The following N4BP2L2 variants were observed in gnomAD, a reference collection of about 807,000 sequenced individuals.
The protein encoded by N4BP2L2 is NEDD4 binding protein 2 like 2.
In N4BP2L2, 50 loss-of-function variants were observed where a neutral mutation model predicts 56.2. That is an observed-to-expected ratio of 0.89 (90% CI 0.71 to 1.13). The LOEUF (loss-of-function observed/expected upper bound fraction) is 1.13, where lower values mean the gene tolerates loss of function less well. N4BP2L2 is among the 50% of genes most tolerant of loss of function. The pLI is 0.00. For missense variants in N4BP2L2, 689 were observed against 693.8 expected (o/e 0.99, Z 0.08); for synonymous variants, 203 against 223.6 (o/e 0.91, Z 0.82).
intron 6 of N4BP2L2, among the ~76,000 whole-genome samples, chr13:32,471,255 T>C (rs2082239538): frequency 6.6e-6 from 1 of 152,222 alleles, no homozygotes; most frequent in Admixed American, 6.5e-5. Flanking sequence ...TGTGTGTTTA[T>C]TGGGCCTCTG....
At chr13:32,482,988 T>C (rs905464172) in intron 6 of N4BP2L2, among the ~76,000 whole-genome samples, 2 of 152,254 alleles carry the variant, frequency 1.3e-5, no homozygotes, top group African/African-American at 4.8e-5. Flanking sequence ...GTGCTCTAAA[T>C]TCAATTACTT....
intron 6 of N4BP2L2, among the ~76,000 whole-genome samples, chr13:32,450,766 G>A (rs1006711665): frequency 4.6e-5 from 7 of 152,012 alleles, no homozygotes; most frequent in African/African-American, 1.5e-4. Context: ...GAGTAGCTGG[G>A]ACTACAGCAG....
chr13:32,516,869 G>C, exon 6 of N4BP2L2: 1 of 983,296 alleles, frequency 1.0e-6, no homozygotes, highest in Non-Finnish European at 1.2e-6. Flanking sequence ...TGAAGGCAGG[G>C]GATGAATGAC....
rs1392343089 is a variant in N4BP2L2, at chr13:32,464,518, T to C, written c.366-20392A>G. On this transcript the variant is annotated intron_variant, in intron 6 of 9. Transcript: ENST00000357505. ...AGAAGCCTCAACAGCACAATAATCA[T>C]GGGTTCTGGGTAACCTCATTTTCTA... is the stretch of plus-strand genomic sequence containing the variant. Among the ~76,000 whole-genome samples the C allele has an allele frequency of 2.0e-5, 3 of 152,354 alleles. No individual in the cohort carries two copies. In the East Asian group the frequency reaches 5.8e-4, roughly 29 times the overall value.
At chr13:32,492,384 G>A (rs1239648371) in intron 6 of N4BP2L2, among the ~76,000 whole-genome samples, 1 of 141,956 alleles carries the variant, frequency 7.0e-6, no homozygotes, top group Non-Finnish European at 1.5e-5. Context: ...CCGGATTCAC[G>A]CCATTCCCCT....
At chr13:32,443,615 C>T in exon 7 of N4BP2L2, 1 of 1,612,002 alleles carries the variant, frequency 6.2e-7, no homozygotes, top group African/African-American at 1.3e-5. Flanking sequence ...TCCTGGGTGT[C>T]TAATGCTATG....
chr13:32,533,447 C>T (rs899025822), intron 2 of N4BP2L2, among the ~76,000 whole-genome samples: 4 of 151,876 alleles, frequency 2.6e-5, no homozygotes, highest in African/African-American at 9.7e-5. Flanking sequence ...TGAACACTAC[C>T]TCCAAAGAAT....
At chr13:32,527,792 T>A (rs1420534700) in intron 2 of N4BP2L2, among the ~76,000 whole-genome samples, 2 of 151,942 alleles carry the variant, frequency 1.3e-5, no homozygotes, top group Non-Finnish European at 2.9e-5. Flanking sequence ...TTTTTTTTTT[T>A]TTTTAGATGG....
chr13:32,436,864 C>T (rs2761364), intron 8 of N4BP2L2, among the ~76,000 whole-genome samples: 85,479 of 132,440 alleles, frequency 0.65, 27,792 homozygotes, highest in East Asian at 0.86. Flanking sequence ...TAATATCTAT[C>T]TATTTATTTA....
intron 2 of N4BP2L2, among the ~76,000 whole-genome samples, chr13:32,531,799 T>C (rs1302582769): frequency 2.0e-5 from 3 of 152,244 alleles, no homozygotes; most frequent in African/African-American, 7.2e-5. Context: ...CTTACAGTTC[T>C]GAAGGTCAGT....
At chr13:32,465,295 G>T (rs573187145) in intron 6 of N4BP2L2, among the ~76,000 whole-genome samples, 4 of 152,060 alleles carry the variant, frequency 2.6e-5, no homozygotes, top group African/African-American at 9.6e-5. Flanking sequence ...CTTCACAGTT[G>T]GTGGGGGTAT....
chr13:32,534,095 CCTT>C (rs2055839782), intron 2 of N4BP2L2, among the ~76,000 whole-genome samples: 1 of 152,110 alleles, frequency 6.6e-6, no homozygotes, highest in African/African-American at 2.4e-5. Flanking sequence ...AGCCTCTGCT[CCTT>C]CTATAAAATG....
intron 6 of N4BP2L2, chr13:32,505,032 C>T (rs1461406143): frequency 6.6e-6 from 1 of 152,266 alleles, no homozygotes; most frequent in African/African-American, 2.4e-5. Context: ...TCTTCTGAGC[C>T]CACCAGTGTG....
At chr13:32,444,516 C>T (rs1286228536) in intron 6 of N4BP2L2, among the ~76,000 whole-genome samples, 1 of 152,192 alleles carries the variant, frequency 6.6e-6, no homozygotes, top group Admixed American at 6.5e-5. Context: ...ATCCGCCTGC[C>T]TCAGCCTCCC....
At chr13:32,477,852 T>G in intron 6 of N4BP2L2, 1 of 1,288,408 alleles carries the variant, frequency 7.8e-7, no homozygotes, top group Non-Finnish European at 1.0e-6. Flanking sequence ...GCACTGGATT[T>G]GAAACAAAAT....
chr13:32,521,898 C>A (rs1769928072), intron 4 of N4BP2L2: 1 of 335,450 alleles, frequency 3.0e-6, no homozygotes, highest in Non-Finnish European at 5.4e-6. Context: ...ATCGCTTCAA[C>A]TGGGGAGGCG....
At chr13:32,505,217 T>C (rs1439847547) in intron 6 of N4BP2L2, 1 of 152,316 alleles carries the variant, frequency 6.6e-6, no homozygotes, top group Non-Finnish European at 1.5e-5. Flanking sequence ...TGACCCATTT[T>C]ATAGAATCTC....
intron 6 of N4BP2L2, among the ~76,000 whole-genome samples, chr13:32,475,687 T>C (rs145650479): frequency 1.8e-3 from 271 of 152,290 alleles, no homozygotes; most frequent in Middle Eastern, 3.4e-3. Context: ...CGACTGCCAG[T>C]ATCTATGTCT....
intron 8 of N4BP2L2, among the ~76,000 whole-genome samples, chr13:32,436,812 AAAGG>A (rs1412752207): frequency 6.1e-4 from 69 of 112,624 alleles, no homozygotes; most frequent in African/African-American, 2.9e-3. Flanking sequence ...AAAAAAAAAG[AAAGG>A]AAGAAAGAAA....
Sources: gnomAD v4.1 joint callset for allele counts (sites outside exome capture counted in the v4.1 genomes callset) on GRCh38, gnomAD v4.1.1 for gene constraint, MANE v1.5 for transcripts, NCBI Gene and HGNC (gene_info 2026-07-23, HGNC 2026-07-21) for gene names.